DENND5A: variants seen among roughly 807,000 people sequenced by gnomAD.
The protein encoded by DENND5A is DENN domain-containing protein 5A.
A neutral mutation model predicts 140.3 loss-of-function variants in DENND5A; 64 were observed. That is an observed-to-expected ratio of 0.46 (90% confidence interval 0.37 to 0.56). The LOEUF is 0.56. DENND5A is among the 20% of genes least tolerant of loss of function. The probability of loss-of-function intolerance (pLI) is 0.00; values close to 1 mark genes in which losing one functional copy is unlikely to be tolerated. For synonymous variants in DENND5A, 605 were observed against 607.7 expected, an observed-to-expected ratio of 1.00 and a Z score of 0.07; for missense variants, 1,292 against 1,593.8, an observed-to-expected ratio of 0.81 and a Z score of 3.22.
At chr11:9,213,999 TTAA>T (rs1470991541) in intron 1 of DENND5A, among the ~76,000 whole-genome samples, 2 of 152,156 alleles carry the variant, frequency 1.3e-5, no homozygotes, top group African/African-American at 4.8e-5. Flanking sequence ...TACGTCTAAG[TTAA>T]TATGCTATCC....
chr11:9,230,812 G>C (rs1181212406), intron 1 of DENND5A, among the ~76,000 whole-genome samples: 1 of 152,004 alleles, frequency 6.6e-6, no homozygotes, highest in East Asian at 1.9e-4. Context: ...AGACAACATA[G>C]GGAGACCGGT....
Position 9,147,081 on chromosome 11 carries a change from A to G in DENND5A, c.2806T>C (p.Ser936Pro). The change falls in exon 16 of 23, where the codon TCT (serine) becomes CCT (proline). Residue 936 changes from serine to proline, a missense_variant. Ser to Pro is a moderately conservative substitution (Grantham distance 74). This residue lies in a region of DENND5A where 498 missense variants were observed against 689.7 expected (regional missense o/e 0.72). Transcript: ENST00000328194. ...EKEQFLYHLL[S>P]FNAVDYFCFT... Reference sequence around the variant, plus strand: ...CAAAAGTAATCGACGGCATTGAAAGACAGGAGGTGATAGAGGAACTGCTCC... The same window carrying G: ...CAAAAGTAATCGACGGCATTGAAAGGCAGGAGGTGATAGAGGAACTGCTCC... 6.2e-7 allele frequency: 1 copy of G among 1,614,178 alleles called. No individual in the cohort carries two copies. The highest frequency in any genetic ancestry group is 8.5e-7 in the Non-Finnish European group (1 of 1,179,976).
intron 5 of DENND5A, 69 bp from the exon 6 acceptor site, chr11:9,181,153 T>G: frequency 6.9e-7 from 1 of 1,454,560 alleles, no homozygotes; most frequent in South Asian, 1.4e-5. Flanking sequence ...TTTAGAAAGG[T>G]TAGTGAACAA....
At chr11:9,162,131 T>C (rs994285896) in intron 11 of DENND5A, among the ~76,000 whole-genome samples, 1 of 138,398 alleles carries the variant, frequency 7.2e-6, no homozygotes, top group Admixed American at 7.2e-5. Context: ...CTTAATATTT[T>C]GGCATATTTC....
Position 9,202,573 on chromosome 11 carries a change from T to TA in DENND5A, c.949+1086dup, listed in dbSNP as rs531017621. On this transcript the variant is annotated intron_variant, in intron 4 of 22. Transcript: ENST00000328194. ...CTAGAAATTATTTTAAAATAAAAAGTAAAAAAAATTGAAAACTCTGATGGC... is the reference window on the plus strand; with the variant it reads ...CTAGAAATTATTTTAAAATAAAAAGTAAAAAAAAATTGAAAACTCTGATGGC... Among the ~76,000 whole-genome samples, 55 of 152,008 alleles carry TA rather than the reference T, an allele frequency of 3.6e-4. 1 individual carries two copies. The East Asian group carries it at 0.01, about 28-fold the overall frequency.
At chr11:9,211,005 G>A (rs999000087) in intron 1 of DENND5A, among the ~76,000 whole-genome samples, 15 of 152,184 alleles carry the variant, frequency 9.9e-5, no homozygotes, top group Admixed American at 8.5e-4. Context: ...ACAAGTATGA[G>A]CTTGTCTGGA....
intron 1 of DENND5A, among the ~76,000 whole-genome samples, chr11:9,216,097 A>G (rs139555076): frequency 3.9e-5 from 6 of 152,358 alleles, no homozygotes; most frequent in African/African-American, 1.4e-4. Context: ...AGTCTGAGCA[A>G]CTAGTCAAGA....
chr11:9,256,290 T>C (rs916056146), intron 1 of DENND5A, among the ~76,000 whole-genome samples: 7 of 151,916 alleles, frequency 4.6e-5, no homozygotes, highest in Admixed American at 1.3e-4. Context: ...TGAAACCCCG[T>C]CTCTACTAAA....
intron 13 of DENND5A, 111 bp from the exon 14 acceptor site, chr11:9,150,875 G>C: frequency 5.2e-6 from 3 of 573,028 alleles, no homozygotes; most frequent in Non-Finnish European, 6.2e-6. Flanking sequence ...GGTTACACTG[G>C]TAACACTTTA....
intron 1 of DENND5A, among the ~76,000 whole-genome samples, chr11:9,256,835 C>G (rs1490988108): frequency 6.6e-6 from 1 of 152,046 alleles, no homozygotes; most frequent in East Asian, 1.9e-4. Context: ...GATTGTAAAA[C>G]TAATTGTAAA....
chr11:9,207,093 T>C (rs910418863), intron 2 of DENND5A: 11 of 453,950 alleles, frequency 2.4e-5, no homozygotes, highest in East Asian at 4.9e-5. Flanking sequence ...ACAAGGATTG[T>C]ATCTATCTTT....
chr11:9,213,589 A>G (rs1034951386), intron 1 of DENND5A, among the ~76,000 whole-genome samples: 1 of 151,208 alleles, frequency 6.6e-6, no homozygotes, highest in Non-Finnish European at 1.5e-5. Context: ...GGGTGCATCA[A>G]CTGAGGTCAG....
At chr11:9,185,684 G>A (rs1001723247) in intron 5 of DENND5A, among the ~76,000 whole-genome samples, 1 of 152,150 alleles carries the variant, frequency 6.6e-6, no homozygotes, top group Non-Finnish European at 1.5e-5. Flanking sequence ...ATATGTGTCT[G>A]TGTGTGCTTG....
chr11:9,225,128 C>T (rs937069069), intron 1 of DENND5A, among the ~76,000 whole-genome samples: 1 of 152,142 alleles, frequency 6.6e-6, no homozygotes, highest in Admixed American at 6.6e-5. Context: ...GACAATGTAT[C>T]TCTAGAATTG....
intron 8 of DENND5A, among the ~76,000 whole-genome samples, chr11:9,172,814 T>C (rs1014599251): frequency 1.3e-5 from 2 of 152,116 alleles, no homozygotes; most frequent in Non-Finnish European, 2.9e-5. Context: ...GCGACATCTT[T>C]TTTTTATTTT....
chr11:9,185,100 A>G (rs1446798166), intron 5 of DENND5A, among the ~76,000 whole-genome samples: 1 of 152,160 alleles, frequency 6.6e-6, no homozygotes, highest in Non-Finnish European at 1.5e-5. Context: ...CTGAGGCAGG[A>G]GAATCATATG....
Position 9,156,580 on chromosome 11 carries a change from T to A in DENND5A, c.2436+4133A>T, listed in dbSNP as rs144909360. On this transcript the variant is annotated intron_variant, in intron 12 of 22. Transcript: ENST00000328194. Reference sequence around the variant, plus strand: ...AGGTGGAGGTTGCAGTGAGCCAAGATCGCGCCATTGCACTCCAGCCTGGGC... The same window carrying A: ...AGGTGGAGGTTGCAGTGAGCCAAGAACGCGCCATTGCACTCCAGCCTGGGC... 7.3e-3 allele frequency among the ~76,000 whole-genome samples: 1,079 copies of A among 147,728 alleles called. 6 individuals carry two copies. The highest frequency in any genetic ancestry group is 0.018 in the Middle Eastern group (5 of 284).
intron 3 of DENND5A, among the ~76,000 whole-genome samples, chr11:9,205,526 C>A (rs1354195151): frequency 1.3e-5 from 2 of 152,132 alleles, no homozygotes; most frequent in Non-Finnish European, 2.9e-5. Context: ...ATATAGTTTC[C>A]TCTCCCTACT....
At chr11:9,193,396 A>G in intron 5 of DENND5A, 98 bp downstream of exon 5, 1 of 971,490 alleles carries the variant, frequency 1.0e-6, no homozygotes, top group Admixed American at 3.3e-5. Context: ...AATAGAAGAA[A>G]ATAAACTTGG....
Sources: gnomAD v4.1 joint callset for allele counts (sites outside exome capture counted in the v4.1 genomes callset) on GRCh38, gnomAD v4.1.1 for gene constraint, gnomAD v4.1.1 regional missense constraint, MANE v1.5 for transcripts, NCBI Gene and HGNC (gene_info 2026-07-23, HGNC 2026-07-21) for gene names.